CYP2C19: variants seen among roughly 807,000 people sequenced by gnomAD.
CYP2C19 encodes the protein cytochrome P450 family 2 subfamily C member 19.
In CYP2C19, 59 loss-of-function variants were observed where a neutral mutation model predicts 40.9. That is an observed-to-expected ratio of 1.44 (90% CI 1.17 to 1.79). The LOEUF is 1.79. CYP2C19 is among the 40% of genes most tolerant of loss of function. CYP2C19 has a pLI of 0.00. For synonymous variants in CYP2C19, 253 were observed against 208.7 expected (o/e 1.21, Z -1.83); for missense variants, 754 against 596.9 (o/e 1.26, Z -2.74).
chr10:94,820,406 G>A, intron 5 of CYP2C19, 90 bp from the exon 6 acceptor site: 9 of 1,423,478 alleles, frequency 6.3e-6, no homozygotes, highest in Non-Finnish European at 8.9e-6. Context: ...TTCTATGTTG[G>A]TAAGTATACA....
chr10:94,763,494 T>C (rs1369582453), intron 1 of CYP2C19, among the ~76,000 whole-genome samples: 1 of 151,922 alleles, frequency 6.6e-6, no homozygotes, highest in Non-Finnish European at 1.5e-5. Context: ...AGCATTACGG[T>C]TTTTTCTTGA....
At chr10:94,775,661 G>A in intron 3 of CYP2C19, 122 bp downstream of exon 3, 1 of 1,554,256 alleles carries the variant, frequency 6.4e-7, no homozygotes, top group South Asian at 1.1e-5. Flanking sequence ...TAGCTCATGT[G>A]AAGCAGGGTT....
chr10:94,820,877 A>T (rs530457263), intron 6 of CYP2C19, among the ~76,000 whole-genome samples: 17 of 152,288 alleles, frequency 1.1e-4, no homozygotes, highest in African/African-American at 3.6e-4. Flanking sequence ...TGAGGCTAGG[A>T]GTTCAAGACC....
At position 94,800,169 on chromosome 10, in the gene CYP2C19, G is replaced by A. The variant is rs189174550; in HGVS notation, c.819+18172G>A. Among the ~76,000 whole-genome samples, 4 of 152,198 alleles carry A rather than the reference G, an allele frequency of 2.6e-5. No homozygotes were observed. The East Asian group carries it at 7.7e-4, about 29-fold the overall frequency. On this transcript the variant is annotated intron_variant, in intron 5 of 8. Coordinates refer to ENST00000371321, the MANE Select transcript of CYP2C19 (RefSeq NM_000769.4). The stretch of plus-strand genomic sequence containing the variant: ...CTACCTTTCGTCTTTGATGTTGCTG[G>A]CCTACAGTTGTGGTTTTGGTGTGAA...
chr10:94,813,635 C>T (rs961883956), intron 5 of CYP2C19, among the ~76,000 whole-genome samples: 4 of 151,868 alleles, frequency 2.6e-5, no homozygotes, highest in Non-Finnish European at 4.4e-5. Context: ...CCTCAACACC[C>T]CCCCCAAGCT....
At chr10:94,832,759 C>A (rs1424476215) in intron 6 of CYP2C19, among the ~76,000 whole-genome samples, 2 of 151,646 alleles carry the variant, frequency 1.3e-5, no homozygotes, top group African/African-American at 4.8e-5. Context: ...TTTTGTGGGT[C>A]CATGTCAATT....
intron 5 of CYP2C19, among the ~76,000 whole-genome samples, chr10:94,815,942 G>A (rs562288149): frequency 1.3e-5 from 2 of 152,190 alleles, no homozygotes; most frequent in Non-Finnish European, 2.9e-5. Flanking sequence ...TAATGATATG[G>A]CCCTAATTTT....
chr10:94,807,285 A>G (rs1848848588), intron 5 of CYP2C19, among the ~76,000 whole-genome samples: 1 of 152,044 alleles, frequency 6.6e-6, no homozygotes, highest in Non-Finnish European at 1.5e-5. Context: ...TTCTTTACCC[A>G]TTCATTTGTT....
chr10:94,792,424 A>T (rs1589354610), intron 5 of CYP2C19, among the ~76,000 whole-genome samples: 1 of 152,090 alleles, frequency 6.6e-6, no homozygotes, highest in South Asian at 2.1e-4. Context: ...TTTGCTTGTT[A>T]GTTGGCTCAG....
chr10:94,818,517 C>T (rs1313809644), intron 5 of CYP2C19, among the ~76,000 whole-genome samples: 2 of 147,200 alleles, frequency 1.4e-5, no homozygotes, highest in East Asian at 4.0e-4. Context: ...TCTTCCTACC[C>T]ATGAGCATGG....
intron 1 of CYP2C19, among the ~76,000 whole-genome samples, chr10:94,768,275 T>G (rs1391350486): frequency 6.6e-6 from 1 of 152,216 alleles, no homozygotes. Flanking sequence ...GAGGCTTACT[T>G]TCAAGTACAG....
chr10:94,839,817 TTCC>T (rs1849464679), intron 6 of CYP2C19, among the ~76,000 whole-genome samples: 1 of 152,188 alleles, frequency 6.6e-6, no homozygotes, highest in African/African-American at 2.4e-5. Flanking sequence ...CTGAAGGGAG[TTCC>T]TCCTATGTCT....
intron 5 of CYP2C19, among the ~76,000 whole-genome samples, chr10:94,790,183 C>T (rs1334738198): frequency 1.3e-5 from 2 of 152,054 alleles, no homozygotes; most frequent in Non-Finnish European, 2.9e-5. Flanking sequence ...ATGATTTTTG[C>T]ACCTTGATTT....
rs565008794 is a variant in CYP2C19, at chr10:94,807,549, T to C, written c.820-12947T>C. On this transcript the variant is annotated intron_variant, in intron 5 of 8. Transcript: ENST00000371321. ...CTCTTTCTCTGCGTCCTCACCAGCG[T>C]TGGCTGTCTTTTGTCTTTTTGATGA... Among the ~76,000 whole-genome samples, 20 of 152,196 alleles carry C rather than the reference T, an allele frequency of 1.3e-4. No individual in the cohort carries two copies. The South Asian group carries it at 4.1e-3, about 32-fold the overall frequency.
chr10:94,798,019 C>G (rs190345396), intron 5 of CYP2C19, among the ~76,000 whole-genome samples: 1 of 151,924 alleles, frequency 6.6e-6, no homozygotes, highest in African/African-American at 2.4e-5. Flanking sequence ...TTAGTTATTT[C>G]TTGCCTTCTG....
At chr10:94,798,248 C>T (rs890542779) in intron 5 of CYP2C19, among the ~76,000 whole-genome samples, 1 of 151,956 alleles carries the variant, frequency 6.6e-6, no homozygotes, top group South Asian at 2.1e-4. Context: ...TTCGTTATGT[C>T]CCCAGTAGTC....
At chr10:94,766,790 G>C (rs1015518959) in intron 1 of CYP2C19, among the ~76,000 whole-genome samples, 1 of 151,910 alleles carries the variant, frequency 6.6e-6, no homozygotes, top group African/African-American at 2.4e-5. Flanking sequence ...GGTTCCTCAG[G>C]GGATGTCCAA....
chr10:94,829,067 C>G (rs576616174), intron 6 of CYP2C19, among the ~76,000 whole-genome samples: 6 of 152,196 alleles, frequency 3.9e-5, no homozygotes, highest in African/African-American at 1.4e-4. Context: ...TTGAGGGTAA[C>G]CCGACCTTTC....
intron 6 of CYP2C19, among the ~76,000 whole-genome samples, chr10:94,833,712 G>A (rs147584454): frequency 2.7e-3 from 409 of 152,292 alleles, no homozygotes; most frequent in Admixed American, 4.7e-3. Context: ...ATCATGAAGG[G>A]ATGTTGAATT....
Sources: gnomAD v4.1 joint callset for allele counts (sites outside exome capture counted in the v4.1 genomes callset) on GRCh38, gnomAD v4.1.1 for gene constraint, MANE v1.5 for transcripts, NCBI Gene and HGNC (gene_info 2026-07-23, HGNC 2026-07-21) for gene names.